The following DST variants were observed in gnomAD, a reference collection of about 807,000 sequenced individuals.
DST encodes the protein bullous pemphigoid antigen.
Under a neutral mutation model 875.2 loss-of-function variants are expected in DST, and 253 were observed. That is an observed-to-expected ratio of 0.29 (90% confidence interval 0.26 to 0.32). The LOEUF (loss-of-function observed/expected upper bound fraction) is 0.32, where lower values mean the gene tolerates loss of function less well. Among genes scored for constraint, DST ranks in the 10% least tolerant of loss-of-function variants. DST has a pLI of 1.00. For missense variants in DST, 8,287 were observed against 9,111.6 expected (o/e 0.91, Z 3.68); for synonymous variants, 3,124 against 3,197.1 (o/e 0.98, Z 0.77).
intron 61 of DST, among the ~76,000 whole-genome samples, chr6:56,547,108 G>C (rs146059077): frequency 2.6e-4 from 40 of 152,310 alleles, no homozygotes; most frequent in Admixed American, 7.8e-4. Flanking sequence ...ACTGAAAAGA[G>C]AACATGTTGC....
chr6:56,477,254 G>T, intron 91 of DST, 91 bp downstream of exon 91: 2 of 1,371,142 alleles, frequency 1.5e-6, no homozygotes, highest in Non-Finnish European at 2.0e-6. Flanking sequence ...ATTTTCCCAT[G>T]GCCATAAGTG....
chr6:56,526,019 A>G (rs935929413), intron 69 of DST, among the ~76,000 whole-genome samples: 2 of 152,260 alleles, frequency 1.3e-5, no homozygotes, highest in African/African-American at 2.4e-5. Context: ...TCACATACAG[A>G]TTAGACTTAG....
chr6:56,660,279 A>C (rs2099032309), intron 10 of DST, among the ~76,000 whole-genome samples: 2 of 152,226 alleles, frequency 1.3e-5, no homozygotes, highest in Admixed American at 6.5e-5. Flanking sequence ...CTTTGCTGGC[A>C]AAATAGTACA....
In DST at chr6:56,934,560, T is replaced by TTTTATATA. The variant is rs869186436; in HGVS notation, c.216+19224_216+19225insTATATAAA. Reference sequence around the variant, plus strand: ...TAAAATATACATATTATATATTATATTATATATATATATATATATATATAT... The same window carrying TTTTATATA: ...TAAAATATACATATTATATATTATATTTTATATATATATATATATATATATATATATAT... On this transcript the variant is annotated intron_variant, in intron 2 of 103. Coordinates refer to ENST00000680361, the MANE Select transcript of DST (RefSeq NM_001374736.1). Among the ~76,000 whole-genome samples, 124 of 106,480 alleles carry TTTTATATA rather than the reference T, an allele frequency of 1.2e-3. 4 individuals are homozygous for TTTTATATA. Among genetic ancestry groups the TTTTATATA allele is most frequent in the African/African-American group, 2.3e-3 (64 of 28,392 alleles). 69.9% of individuals were successfully genotyped at this position (106,480 alleles called of 152,430 possible).
At chr6:56,472,017 G>A (rs886434989) in intron 94 of DST, 42 bp downstream of exon 94, 55 of 1,603,142 alleles carry the variant, frequency 3.4e-5, no homozygotes, top group African/African-American at 1.6e-4. Context: ...TGAGGAATGA[G>A]GGCAAATGAC....
At chr6:56,892,613 G>A (rs1156610134) in intron 3 of DST, among the ~76,000 whole-genome samples, 4 of 151,990 alleles carry the variant, frequency 2.6e-5, no homozygotes, top group Admixed American at 6.6e-5. Context: ...GGTGTGAGCC[G>A]CCACGCCCAG....
At chr6:56,478,252 A>AG (rs2095277846) in intron 90 of DST, among the ~76,000 whole-genome samples, 1 of 152,188 alleles carries the variant, frequency 6.6e-6, no homozygotes, top group South Asian at 2.1e-4. Flanking sequence ...AAAAAGTACA[A>AG]AGTAGAGAGA....
At chr6:56,825,660 C>T (rs1055083195) in intron 4 of DST, among the ~76,000 whole-genome samples, 1 of 152,018 alleles carries the variant, frequency 6.6e-6, no homozygotes, top group Non-Finnish European at 1.5e-5. Flanking sequence ...CAGGTATTTC[C>T]TGACAACTGT....
chr6:56,488,942 T>G (rs2152434456), intron 86 of DST, among the ~76,000 whole-genome samples: 1 of 152,322 alleles, frequency 6.6e-6, no homozygotes, highest in East Asian at 1.9e-4. Flanking sequence ...TTCTACATGC[T>G]TTTCTAGTCT....
Position 56,632,732 on chromosome 6 carries a change from G to A in DST, c.3805+122C>T, listed in dbSNP as rs1363416808. On this transcript the variant is annotated intron_variant, in intron 28 of 103. Coordinates refer to ENST00000680361, the MANE Select transcript of DST (RefSeq NM_001374736.1). ...ACATGCTTTTACCGTTCCACCAATT[G>A]TGTCTACATATCATAGGCTGGGTGA... 3 of 768,046 alleles carry A rather than the reference G, an allele frequency of 3.9e-6. No individual in the cohort carries two copies. In the African/African-American group the frequency reaches 5.2e-5, roughly 13 times the overall value. 47.6% of individuals were successfully genotyped at this position (768,046 alleles called of 1,614,324 possible). A position where few individuals can be genotyped will look rare whatever the true frequency, so the allele number is the denominator to read the frequency against.
intron 4 of DST, among the ~76,000 whole-genome samples, chr6:56,802,029 C>T (rs903444810): frequency 3.9e-5 from 6 of 152,100 alleles, no homozygotes; most frequent in Admixed American, 6.6e-5. Flanking sequence ...GGATTACAGG[C>T]GTGAGCCACC....
In DST at chr6:56,555,830, T is replaced by C; in HGVS notation, c.14651A>G (p.Gln4884Arg). The change falls in exon 60 of 104, where the codon CAA (glutamine) becomes CGA (arginine). Residue 4884 changes from glutamine to arginine, a missense_variant. Physicochemically the swap from Gln to Arg is conservative, Grantham distance 43. Transcript: ENST00000680361. The part of the protein sequence containing the change: ...TQRQQVQILL[Q>R]EFATRKPQYE... ...TTGAGGTTTCCGAGTGGCGAATTCT[T>C]GCAGCAAAATCTAAGGTAACAAGGG... 2 of 1,493,666 alleles carry C rather than the reference T, an allele frequency of 1.3e-6. No individual in the cohort carries two copies. Among genetic ancestry groups the C allele is most frequent in the African/African-American group, 2.8e-5 (2 of 71,732 alleles). 92.5% of individuals were successfully genotyped at this position (1,493,666 alleles called of 1,614,324 possible). A position where few individuals can be genotyped will look rare whatever the true frequency, so the allele number is the denominator to read the frequency against.
chr6:56,628,225 T>G, intron 32 of DST, 64 bp from the exon 33 acceptor site: 1 of 1,429,350 alleles, frequency 7.0e-7, no homozygotes, highest in Non-Finnish European at 9.8e-7. Context: ...GTGGAAGATG[T>G]AGAGATGGGA....
At chr6:56,781,157 G>T (rs567613861) in intron 4 of DST, among the ~76,000 whole-genome samples, 11 of 152,308 alleles carry the variant, frequency 7.2e-5, no homozygotes, top group South Asian at 2.1e-4. Context: ...GTCAGGTAGC[G>T]TGATGCCTCC....
Position 56,553,463 on chromosome 6 carries a change from T to G in DST, c.15329A>C (p.Gln5110Pro). The G allele has an allele frequency of 6.2e-7, 1 of 1,613,220 alleles. No individual in the cohort carries two copies. The highest frequency in any genetic ancestry group is 1.1e-5 in the South Asian group (1 of 90,846). The change falls in exon 61 of 104, where the codon CAG (glutamine) becomes CCG (proline). Residue 5110 changes from glutamine to proline, a missense_variant. By Grantham distance (76) the Gln-to-Pro change is moderately conservative. Transcript: ENST00000680361. Reference sequence around the variant, plus strand: ...AATGGTTTTTTCATACATATGAGACTGAGCGGTCAAAGTTTTACTAAAGTC... The same window carrying G: ...AATGGTTTTTTCATACATATGAGACGGAGCGGTCAAAGTTTTACTAAAGTC... The part of the protein sequence containing the change: ...HKDFSKTLTA[Q>P]SHMYEKTIAE...
chr6:56,853,042 T>C (rs552458933), intron 3 of DST, among the ~76,000 whole-genome samples: 1 of 152,360 alleles, frequency 6.6e-6, no homozygotes, highest in East Asian at 1.9e-4. Flanking sequence ...TATTTTTCTT[T>C]TTTGTGGGCA....
chr6:56,510,261 G>A (rs527839604), intron 73 of DST, among the ~76,000 whole-genome samples: 1 of 152,182 alleles, frequency 6.6e-6, no homozygotes, highest in Non-Finnish European at 1.5e-5. Context: ...CTGAGTATTT[G>A]TCTATTACAA....
chr6:56,566,697 G>A (rs2097685147), intron 55 of DST, among the ~76,000 whole-genome samples: 1 of 152,180 alleles, frequency 6.6e-6, no homozygotes, highest in Non-Finnish European at 1.5e-5. Context: ...TAATGATAAA[G>A]GTCCTGAAGC....
Position 56,714,112 on chromosome 6 carries a change from T to A in DST, c.688-9743A>T, listed in dbSNP as rs2152898686. ...ACACCTCTTCCCTGTCAAAGAATGT[T>A]TCCTTAAATCCAGATGACACTCCAT... On this transcript the variant is annotated intron_variant, in intron 5 of 103. Transcript: ENST00000680361. The surrounding 1 kb of genome is among the most constrained non-coding windows in gnomAD (Gnocchi z 4.5). 2.6e-5 allele frequency among the ~76,000 whole-genome samples: 4 copies of A among 152,294 alleles called. No homozygotes were observed. In the South Asian group the frequency reaches 8.3e-4, roughly 32 times the overall value.
Sources: allele counts gnomAD v4.1 joint callset (sites outside exome capture counted in the v4.1 genomes callset), GRCh38; gene constraint gnomAD v4.1.1; non-coding constraint Gnocchi (gnomAD v3.1); transcripts MANE v1.5; gene names NCBI Gene and HGNC (gene_info 2026-07-23, HGNC 2026-07-21).